The following ABAT variants were observed in gnomAD, a reference collection of about 807,000 sequenced individuals.
The protein encoded by ABAT is 4-aminobutyrate aminotransferase, mitochondrial.
In ABAT, 45 loss-of-function variants were observed where a neutral mutation model predicts 64.6. The ratio of observed to expected loss-of-function variants is 0.70; its 90% CI spans 0.55 to 0.89. The LOEUF is 0.89. Ranked by LOEUF, ABAT falls within the 40% of genes least tolerant of loss-of-function variation. The probability of loss-of-function intolerance (pLI) is 0.00; values close to 1 mark genes in which losing one functional copy is unlikely to be tolerated. For synonymous variants in ABAT, 297 were observed against 250.5 expected, an observed-to-expected ratio of 1.19 and a Z score of -1.75; for missense variants, 633 against 658.4, an observed-to-expected ratio of 0.96 and a Z score of 0.42.
rs1174749864 is a variant in ABAT, at chr16:8,700,911, C to CTTT, written c.-42+26215_-42+26217dup. Among the ~76,000 whole-genome samples the CTTT allele has an allele frequency of 3.0e-3, 391 of 131,550 alleles. 7 individuals are homozygous for CTTT. The highest frequency in any genetic ancestry group is 0.011 in the African/African-American group (372 of 35,198). The allele number at this position is 131,550 out of a possible 152,430, so 86.3% of individuals were successfully genotyped here. Reference sequence around the variant, plus strand: ...ATGAGCCGCCATGCTGGCCTTAATTCTTTTTTTTTTTTTTTTTGCTTTGTT... The same window carrying CTTT: ...ATGAGCCGCCATGCTGGCCTTAATTCTTTTTTTTTTTTTTTTTTTTGCTTTGTT... On this transcript the variant is annotated intron_variant, in intron 1 of 15. Coordinates refer to ENST00000268251, the MANE Select transcript of ABAT (RefSeq NM_020686.6).
intron 1 of ABAT, among the ~76,000 whole-genome samples, chr16:8,732,528 G>A (rs1311607457): frequency 4.0e-5 from 6 of 151,592 alleles, no homozygotes; most frequent in South Asian, 4.1e-4. Flanking sequence ...CAGAGAGCAC[G>A]GGGTTGGGGG....
intron 3 of ABAT, among the ~76,000 whole-genome samples, chr16:8,746,711 CA>C (rs988350809): frequency 2.3e-3 from 309 of 132,318 alleles, no homozygotes; most frequent in African/African-American, 3.8e-3. Flanking sequence ...GACTCTGTCT[CA>C]AAAAAAAAAA....
chr16:8,674,880 C>A (rs2057158006), intron 1 of ABAT, among the ~76,000 whole-genome samples, 169 bp downstream of exon 1: 1 of 152,200 alleles, frequency 6.6e-6, no homozygotes, highest in Admixed American at 6.5e-5. Flanking sequence ...GGCTCCCACC[C>A]CCCAGAGAGC....
chr16:8,718,463 A>G (rs956869007), intron 1 of ABAT, among the ~76,000 whole-genome samples: 1 of 152,250 alleles, frequency 6.6e-6, no homozygotes, highest in African/African-American at 2.4e-5. Context: ...GATGGGACTC[A>G]GAGGTTGCTT....
intron 6 of ABAT, chr16:8,759,987 G>A (rs1184262320): frequency 1.3e-5 from 2 of 152,226 alleles, no homozygotes; most frequent in Non-Finnish European, 2.9e-5. Flanking sequence ...CATGGCTTTA[G>A]AGCGTTCCCC....
rs1390233312 is a variant in ABAT, at chr16:8,773,141, CACACACAT to C, written c.954+226_954+233del. Among the ~76,000 whole-genome samples the C allele has an allele frequency of 3.5e-3, 437 of 124,990 alleles. 2 individuals are homozygous for C. Among genetic ancestry groups the C allele is most frequent in the African/African-American group, 0.014 (347 of 25,640 alleles). The allele number at this position is 124,990 out of a possible 152,430, so 82.0% of individuals were successfully genotyped here. A position where few individuals can be genotyped will look rare whatever the true frequency, so the allele number is the denominator to read the frequency against. ...ACACACACACACACACACACACACA[CACACACAT>C]ATATATATATTTTTTTTTTTGAGAC... On this transcript the variant is annotated intron_variant, in intron 12 of 15. Coordinates refer to ENST00000268251, the MANE Select transcript of ABAT (RefSeq NM_020686.6).
chr16:8,737,932 AAAG>A lies in ABAT; in HGVS notation c.70+2126_70+2128del, dbSNP rs1182605508. Among the ~76,000 whole-genome samples, 85 of 96,520 alleles carry A rather than the reference AAAG, an allele frequency of 8.8e-4. 6 individuals carry two copies. The highest frequency in any genetic ancestry group is 3.1e-3 in the African/African-American group (77 of 25,044). 63.3% of individuals were successfully genotyped at this position (96,520 alleles called of 152,430 possible). On this transcript the variant is annotated intron_variant, in intron 2 of 15. Transcript: ENST00000268251. ...AACAGACTGAGATTAAAAAAAAAAA[AAAG>A]AAAGGAAAGGAAGAAAGGAAGGAAG...
In ABAT at chr16:8,766,239, A is replaced by T. The variant is rs1170887865; in HGVS notation, c.572A>T (p.Gln191Leu). Residue 191 changes from glutamine to leucine, a missense_variant, in exon 9 of 16, where the codon CAG becomes CTG. Physicochemically the swap from Gln to Leu is moderately radical, Grantham distance 113. Transcript: ENST00000268251. Reference sequence around the variant, plus strand: ...GAAAGAGGGCAGAGGGGCTTCTCCCAGGAGGAGCTGGAGACGTGCATGATT... The same window carrying T: ...GAAAGAGGGCAGAGGGGCTTCTCCCTGGAGGAGCTGGAGACGTGCATGATT... ...SKERGQRGFS[Q>L]EELETCMINQ... 3 of 1,614,040 alleles carry T rather than the reference A, an allele frequency of 1.9e-6. No individual in the cohort carries two copies. In the East Asian group the frequency reaches 6.7e-5, roughly 36 times the overall value.
chr16:8,698,664 G>A (rs766878125), intron 1 of ABAT, among the ~76,000 whole-genome samples: 1 of 152,154 alleles, frequency 6.6e-6, no homozygotes, highest in Non-Finnish European at 1.5e-5. Context: ...GCTGCAATTG[G>A]CAGGGCACGG....
At chr16:8,767,120 C>T (rs1449355240) in intron 9 of ABAT, among the ~76,000 whole-genome samples, 1 of 152,224 alleles carries the variant, frequency 6.6e-6, no homozygotes, top group Non-Finnish European at 1.5e-5. Context: ...CCCACAGTTC[C>T]CTCTGAGGCA....
intron 15 of ABAT, 52 bp downstream of exon 15, chr16:8,779,642 C>G (rs1352074963): frequency 7.0e-7 from 1 of 1,432,226 alleles, no homozygotes; most frequent in African/African-American, 1.4e-5. Context: ...GTATCTCCTG[C>G]TGTAGCTGCC....
In ABAT at chr16:8,689,629, G is replaced by A. The variant is rs117813306; in HGVS notation, c.-42+14918G>A. 3.9e-4 allele frequency among the ~76,000 whole-genome samples: 59 copies of A among 152,356 alleles called. 1 individual carries two copies. In the East Asian group the frequency reaches 0.01, roughly 27 times the overall value. ...TATGAATGTGATGGGGCCACAAAGG[G>A]GAGCTGTGTAGGATTCTGTGCTAAA... is the stretch of plus-strand genomic sequence containing the variant. On this transcript the variant is annotated intron_variant, in intron 1 of 15. Transcript: ENST00000268251.
At chr16:8,684,288 A>G (rs1412506463) in intron 1 of ABAT, among the ~76,000 whole-genome samples, 2 of 152,064 alleles carry the variant, frequency 1.3e-5, no homozygotes, top group East Asian at 3.9e-4. Context: ...AAAAGGAAGG[A>G]TAGACAGCGT....
Position 8,757,797 on chromosome 16 carries a change from T to G in ABAT, c.357T>G (p.Pro119=). The G allele has an allele frequency of 3.1e-6, 5 of 1,613,976 alleles. No homozygotes were observed. The highest frequency in any genetic ancestry group is 4.2e-6 in the Non-Finnish European group (5 of 1,179,882). ...CCCTGCTGAAACTCATCCAACAGCC[T>G]CAAAATGCGGTAGGTCTTGGGGTTA... ...HPALLKLIQQ[P]QNASMFVNRP... Residue 119 remains proline, a synonymous_variant, in exon 6 of 16, where the codon CCT becomes CCG. Coordinates refer to ENST00000268251, the MANE Select transcript of ABAT (RefSeq NM_020686.6).
chr16:8,690,945 A>T (rs2057565106), intron 1 of ABAT, among the ~76,000 whole-genome samples: 1 of 152,308 alleles, frequency 6.6e-6, no homozygotes. Context: ...AAATGAATGT[A>T]TGAAGAAGCC....
chr16:8,737,158 A>G (rs936536501), intron 2 of ABAT: 8 of 152,122 alleles, frequency 5.3e-5, no homozygotes, highest in African/African-American at 1.7e-4. Context: ...GCCCCTCCCC[A>G]AGGAGTATGA....
At chr16:8,752,808 G>A (rs1372265282) in intron 5 of ABAT, among the ~76,000 whole-genome samples, 2 of 152,116 alleles carry the variant, frequency 1.3e-5, no homozygotes, top group Non-Finnish European at 2.9e-5. Context: ...AGTTCTAAAA[G>A]TTCTCTCTCT....
At position 8,776,540 on chromosome 16, in the gene ABAT, C is replaced by T. The variant is rs774578897; in HGVS notation, c.1269+50C>T. The T allele has an allele frequency of 6.5e-7, 1 of 1,531,634 alleles. No homozygotes were observed. The highest frequency in any genetic ancestry group is 1.9e-5 in the Admixed American group (1 of 51,450). The allele number at this position is 1,531,634 out of a possible 1,614,324, so 94.9% of individuals were successfully genotyped here. On this transcript the variant is annotated intron_variant, in intron 14 of 15. Transcript: ENST00000268251. The surrounding 1 kb of genome is among the most constrained non-coding windows in gnomAD (Gnocchi z 4.4). Reference sequence around the variant, plus strand: ...CCCCACCACCCATGGCTCCCCGCAGCAGCCTCCGGGGCAACACTGGAGCTC... The same window carrying T: ...CCCCACCACCCATGGCTCCCCGCAGTAGCCTCCGGGGCAACACTGGAGCTC...
At position 8,748,150 on chromosome 16, in the gene ABAT, G is replaced by C; in HGVS notation, c.198+13G>C. 8 of 1,612,164 alleles carry C rather than the reference G, an allele frequency of 5.0e-6. No individual in the cohort carries two copies. The highest frequency in any genetic ancestry group is 6.8e-6 in the Non-Finnish European group (8 of 1,178,354). On this transcript the variant is annotated intron_variant, in intron 4 of 15. Transcript: ENST00000268251. ...GAATATAATTCAGGTAAGTGAGGAG[G>C]AGGTAACTTTCCTTCTGTTGCTTCT...
Sources: allele counts gnomAD v4.1 joint callset (sites outside exome capture counted in the v4.1 genomes callset), GRCh38; gene constraint gnomAD v4.1.1; non-coding constraint Gnocchi (gnomAD v3.1); transcripts MANE v1.5; gene names NCBI Gene and HGNC (gene_info 2026-07-23, HGNC 2026-07-21).